ADAMTS13: variants seen among roughly 807,000 people sequenced by gnomAD.
The protein encoded by ADAMTS13 is A disintegrin and metalloproteinase with thrombospondin motifs 13.
Under a neutral mutation model 155.1 loss-of-function variants are expected in ADAMTS13, and 110 were observed. The observed-to-expected ratio is 0.71, with a 90% CI of 0.61 to 0.83. The LOEUF (loss-of-function observed/expected upper bound fraction) is 0.83. ADAMTS13 is among the 40% of genes least tolerant of loss of function. ADAMTS13 has a pLI of 0.00. For missense variants in ADAMTS13, 1,707 were observed against 1,891.7 expected, an observed-to-expected ratio of 0.90 and a Z score of 1.81; for synonymous variants, 758 against 756.4, an observed-to-expected ratio of 1.00 and a Z score of -0.03.
chr9:133,459,152 A>C lies in ADAMTS13; in HGVS notation c.4088A>C (p.Gln1363Pro). The C allele has an allele frequency of 6.2e-7, 1 of 1,612,264 alleles. No individual in the cohort carries two copies. Among genetic ancestry groups the C allele is most frequent in the Non-Finnish European group, 8.5e-7 (1 of 1,179,604 alleles). Residue 1363 changes from glutamine (Q) to proline (P), a missense_variant, in exon 29 of 29, where the codon CAG becomes CCG. By Grantham distance (76) the Gln-to-Pro change is moderately conservative. Transcript: ENST00000355699. ...TGGGTACCGGAGATGCAGGACCCTC[A>C]GTCCTGGAAGGGAAAGGAAGGAACC... ...QSWVPEMQDP[Q>P]SWKGKEGT
At chr9:133,455,955 G>C in intron 25 of ADAMTS13, 114 bp from the exon 26 acceptor site, 2 of 1,432,500 alleles carry the variant, frequency 1.4e-6, no homozygotes. Context: ...CTGGGCCTTG[G>C]AGGACAGGGT....
In ADAMTS13 at chr9:133,434,921, C is replaced by T. The variant is rs1041143847; in HGVS notation, c.1308+1217C>T. On this transcript the variant is annotated intron_variant, in intron 11 of 28. Coordinates refer to ENST00000355699, the MANE Select transcript of ADAMTS13 (RefSeq NM_139027.6). Reference sequence around the variant, plus strand: ...TGCCTGCCTTCCTCCCCCAGCGGCACGTCCCCAAGGCTCACCTGTGTTGTA... The same window carrying T: ...TGCCTGCCTTCCTCCCCCAGCGGCATGTCCCCAAGGCTCACCTGTGTTGTA... 6.8e-4 allele frequency among the ~76,000 whole-genome samples: 103 copies of T among 152,240 alleles called. 2 individuals are homozygous for T. Among genetic ancestry groups the T allele is most frequent in the Non-Finnish European group, 2.2e-4 (15 of 68,044 alleles).
Position 133,424,420 on chromosome 9 carries a change from A to G in ADAMTS13, c.272A>G (p.Asp91Gly), listed in dbSNP as rs782149039. The change falls in exon 3 of 29, where the codon GAT (aspartate) becomes GGT (glycine). Residue 91 changes from aspartate (D) to glycine (G), a missense_variant. Asp to Gly is a moderately conservative substitution (Grantham distance 94). Around this residue, in one of 3 missense-constraint regions of ADAMTS13, gnomAD observed 733 missense variants for 749.6 expected, o/e 0.98. Coordinates refer to ENST00000355699, the MANE Select transcript of ADAMTS13 (RefSeq NM_139027.6). The surrounding 1 kb of genome is among the most constrained non-coding windows in gnomAD (Gnocchi z 4.3). ...GAGCTGCTGGTGGCCGTGGGCCCCGATGTCTTCCAGGCTCACCAGGAGGAC... is the reference window on the plus strand; with the variant it reads ...GAGCTGCTGGTGGCCGTGGGCCCCGGTGTCTTCCAGGCTCACCAGGAGGAC... ...HLELLVAVGPDVFQAHQEDTE... is the reference protein window; with the variant it reads ...HLELLVAVGPGVFQAHQEDTE... 20 of 1,613,720 alleles carry G rather than the reference A, an allele frequency of 1.2e-5. No individual in the cohort carries two copies. Among genetic ancestry groups the G allele is most frequent in the Non-Finnish European group, 1.7e-5 (20 of 1,179,972 alleles).
At chr9:133,444,100 C>T (rs1025447924) in intron 19 of ADAMTS13, among the ~76,000 whole-genome samples, 2 of 152,164 alleles carry the variant, frequency 1.3e-5, no homozygotes, top group African/African-American at 2.4e-5. Flanking sequence ...CCTCGTCATC[C>T]GTGGCAGACA....
chr9:133,459,330 C>G lies in ADAMTS13; in HGVS notation c.*150C>G. The G allele has an allele frequency of 1.2e-6, 1 of 845,194 alleles. No individual in the cohort carries two copies. 52.4% of individuals were successfully genotyped at this position (845,194 alleles called of 1,614,324 possible). ...AAGGCTAGGGGGTTGGAGGTGGGGA[C>G]TCTGGAAAAGCAGCCCCCATTTCCT... On this transcript the variant is annotated 3_prime_UTR_variant, in exon 29 of 29. Coordinates refer to ENST00000355699, the MANE Select transcript of ADAMTS13 (RefSeq NM_139027.6).
intron 1 of ADAMTS13, among the ~76,000 whole-genome samples, chr9:133,422,871 C>CTGT (rs1840042516): frequency 1.3e-5 from 2 of 151,778 alleles, no homozygotes; most frequent in Admixed American, 1.3e-4. Context: ...GCCTCACCCA[C>CTGT]CTCCTGCCTC....
At chr9:133,454,710 C>A in intron 24 of ADAMTS13, 91 bp downstream of exon 24, 1 of 1,427,392 alleles carries the variant, frequency 7.0e-7, no homozygotes, top group Non-Finnish European at 9.5e-7. Flanking sequence ...GAGGCATTGG[C>A]TCATCGTGTC....
chr9:133,417,994 C>T (rs1377118812), upstream of ADAMTS13: 6 of 699,084 alleles, frequency 8.6e-6, no homozygotes, highest in Non-Finnish European at 1.4e-5. Context: ...GGAAGAGACC[C>T]CGCACGCGTT....
At chr9:133,438,652 G>T (rs587702033) in intron 14 of ADAMTS13, among the ~76,000 whole-genome samples, 2 of 152,124 alleles carry the variant, frequency 1.3e-5, no homozygotes, top group Admixed American at 1.3e-4. Flanking sequence ...CTGTGCTCAC[G>T]CCTGTACTCC....
chr9:133,442,828 C>G lies in ADAMTS13; in HGVS notation c.2234+85C>G. ...GGGCTCTGTCCCTGGCCTATGGGGC[C>G]CATGTGGCAGGGCCGGGCTGAGCTG... On this transcript the variant is annotated intron_variant, in intron 18 of 28. Coordinates refer to ENST00000355699, the MANE Select transcript of ADAMTS13 (RefSeq NM_139027.6). The G allele has an allele frequency of 2.7e-6, 4 of 1,507,252 alleles. No homozygotes were observed. The South Asian group carries it at 3.8e-5, about 14-fold the overall frequency. 93.4% of individuals were successfully genotyped at this position (1,507,252 alleles called of 1,614,324 possible). A position where few individuals can be genotyped will look rare whatever the true frequency, so the allele number is the denominator to read the frequency against.
Position 133,449,866 on chromosome 9 carries a change from G to A in ADAMTS13, c.2945G>A (p.Gly982Glu). 5 of 1,614,064 alleles carry A rather than the reference G, an allele frequency of 3.1e-6. No homozygotes were observed. ...RRILYCARAH[G>E]EDDGEEILLD... ...ATCCTGTATTGTGCCCGGGCCCATG[G>A]GGAGGACGATGGTGAGGAGATCCTG... The change falls in exon 23 of 29, where the codon GGG (glycine) becomes GAG (glutamate). Residue 982 changes from glycine to glutamate, a missense_variant. Coordinates refer to ENST00000355699, the MANE Select transcript of ADAMTS13 (RefSeq NM_139027.6).
chr9:133,416,265 C>G (rs75766626), intron 1 of ADAMTS13, among the ~76,000 whole-genome samples: 1 of 152,248 alleles, frequency 6.6e-6, no homozygotes, highest in South Asian at 2.1e-4. Context: ...AGAACTTACT[C>G]GTTACTGAGG....
intron 11 of ADAMTS13, 140 bp downstream of exon 11, chr9:133,433,844 C>G (rs919906387): frequency 8.5e-6 from 9 of 1,063,358 alleles, no homozygotes; most frequent in Middle Eastern, 2.9e-4. Context: ...GCCTGTAATC[C>G]CAGCACTTTG....
In ADAMTS13 at chr9:133,437,775, C is replaced by A. The variant is rs782769100; in HGVS notation, c.1462C>A (p.Arg488=). The A allele has an allele frequency of 6.2e-7, 1 of 1,613,762 alleles. No homozygotes were observed. Among genetic ancestry groups the A allele is most frequent in the Non-Finnish European group, 8.5e-7 (1 of 1,180,030 alleles). ...QGDALCRHMC[R]AIGESFIMKR... ...GGATGCTCTGTGCAGACACATGTGCCGGGCCATTGGCGAGAGCTTCATCAT... is the reference window on the plus strand; with the variant it reads ...GGATGCTCTGTGCAGACACATGTGCAGGGCCATTGGCGAGAGCTTCATCAT... The change falls in exon 13 of 29, where the codon CGG becomes AGG. Residue 488 remains arginine, a synonymous_variant. Coordinates refer to ENST00000355699, the MANE Select transcript of ADAMTS13 (RefSeq NM_139027.6).
At chr9:133,458,283 T>C (rs1842861732) in intron 28 of ADAMTS13, among the ~76,000 whole-genome samples, 189 bp downstream of exon 28, 1 of 152,088 alleles carries the variant, frequency 6.6e-6, no homozygotes, top group Non-Finnish European at 1.5e-5. Flanking sequence ...AAGAGTGAAA[T>C]AGTGGCTCAC....
chr9:133,432,371 C>A (rs988626906), intron 8 of ADAMTS13, among the ~76,000 whole-genome samples: 1 of 152,246 alleles, frequency 6.6e-6, no homozygotes, highest in African/African-American at 2.4e-5. Flanking sequence ...AACACATTTC[C>A]ATGGGCCCCC....
At chr9:133,457,286 A>G (rs1554796387) in intron 27 of ADAMTS13, among the ~76,000 whole-genome samples, 1 of 152,168 alleles carries the variant, frequency 6.6e-6, no homozygotes, top group Admixed American at 6.5e-5. Flanking sequence ...CTGGTTCCAG[A>G]GGTTCCTCGG....
intron 1 of ADAMTS13, among the ~76,000 whole-genome samples, chr9:133,416,739 C>T (rs1474800621): frequency 1.3e-5 from 2 of 152,224 alleles, no homozygotes; most frequent in African/African-American, 4.8e-5. Context: ...GGTTCCCAGC[C>T]GCAATCTTAG....
intron 11 of ADAMTS13, 34 bp from the exon 12 acceptor site, chr9:133,436,795 C>T: frequency 1.1e-6 from 1 of 888,126 alleles, no homozygotes; most frequent in Non-Finnish European, 1.7e-6. Flanking sequence ...CCCCGCCCCA[C>T]CGCCATCCCC....
Sources: gnomAD v4.1 joint callset for allele counts (sites outside exome capture counted in the v4.1 genomes callset) on GRCh38, gnomAD v4.1.1 for gene constraint, gnomAD v4.1.1 regional missense constraint, Gnocchi (gnomAD v3.1) non-coding constraint, MANE v1.5 for transcripts, NCBI Gene and HGNC (gene_info 2026-07-23, HGNC 2026-07-21) for gene names.